Variants in ZDHHC3 observed in about 807,000 individuals in gnomAD.
ZDHHC3 encodes zDHHC palmitoyltransferase 3, also known as palmitoyltransferase ZDHHC3.
In ZDHHC3, 9 loss-of-function variants were observed where a neutral mutation model predicts 30.6. That is an observed-to-expected ratio of 0.29 (90% CI 0.18 to 0.51). The LOEUF (loss-of-function observed/expected upper bound fraction) is 0.51, where lower values mean the gene tolerates loss of function less well. Among genes scored for constraint, ZDHHC3 ranks in the 20% least tolerant of loss-of-function variants. The pLI is 0.97. For synonymous variants in ZDHHC3, 136 were observed against 140.2 expected (o/e 0.97, Z 0.21); for missense variants, 246 against 384.2 (o/e 0.64, Z 3.01).
At position 44,926,423 on chromosome 3, in the gene ZDHHC3, G is replaced by C. The variant is rs886139111; in HGVS notation, c.*266C>G. On this transcript the variant is annotated 3_prime_UTR_variant, in exon 7 of 7. Coordinates refer to ENST00000424952, the MANE Select transcript of ZDHHC3 (RefSeq NM_001135179.2). ...CATTAGTCATGCCAGACAGACAGCA[G>C]AGAGAAACCAGAGGCCAGAGAAGTG... 6 of 1,192,798 alleles carry C rather than the reference G, an allele frequency of 5.0e-6. No individual in the cohort carries two copies. Among genetic ancestry groups the C allele is most frequent in the Non-Finnish European group, 4.2e-6 (4 of 962,704 alleles). 73.9% of individuals were successfully genotyped at this position (1,192,798 alleles called of 1,614,324 possible).
intron 1 of ZDHHC3, among the ~76,000 whole-genome samples, chr3:44,966,251 T>C (rs1035664224): frequency 1.3e-5 from 2 of 152,192 alleles, no homozygotes; most frequent in Non-Finnish European, 2.9e-5. Context: ...AACTCTAAAA[T>C]AGGATGCTTT....
chr3:44,922,430 G>C lies in ZDHHC3; in HGVS notation c.*4259C>G. ...TGAGATGCACAAGGAGTGGTGGGCAGGCTAATAATTTGGATCTGCTTCATA... is the reference window on the plus strand; with the variant it reads ...TGAGATGCACAAGGAGTGGTGGGCACGCTAATAATTTGGATCTGCTTCATA... On this transcript the variant is annotated 3_prime_UTR_variant, in exon 7 of 7. Coordinates refer to ENST00000424952, the MANE Select transcript of ZDHHC3 (RefSeq NM_001135179.2). The C allele has an allele frequency of 2.0e-6, 2 of 985,446 alleles. No individual in the cohort carries two copies. Among genetic ancestry groups the C allele is most frequent in the Non-Finnish European group, 2.4e-6 (2 of 829,936 alleles). 61.0% of individuals were successfully genotyped at this position (985,446 alleles called of 1,614,324 possible). A position where few individuals can be genotyped will look rare whatever the true frequency, so the allele number is the denominator to read the frequency against.
intron 1 of ZDHHC3, among the ~76,000 whole-genome samples, chr3:44,966,655 G>T (rs1704977400): frequency 6.6e-6 from 1 of 152,264 alleles, no homozygotes; most frequent in African/African-American, 2.4e-5. Flanking sequence ...TCAAATAGAT[G>T]ATCTTTGCCT....
At chr3:44,940,049 G>A (rs1702310228) in intron 3 of ZDHHC3, among the ~76,000 whole-genome samples, 1 of 152,196 alleles carries the variant, frequency 6.6e-6, no homozygotes, top group African/African-American at 2.4e-5. Context: ...GGAGCCTGGA[G>A]CAACCAAGGA....
chr3:44,926,577 A>T lies in ZDHHC3; in HGVS notation c.*112T>A, dbSNP rs1701009201. ...GCCATTTTACTTGAGACATAAAAAAAGTTTTAAGAGTAGTTGTTTTGCTTT... is the reference window on the plus strand; with the variant it reads ...GCCATTTTACTTGAGACATAAAAAATGTTTTAAGAGTAGTTGTTTTGCTTT... On this transcript the variant is annotated 3_prime_UTR_variant, in exon 7 of 7. Coordinates refer to ENST00000424952, the MANE Select transcript of ZDHHC3 (RefSeq NM_001135179.2). The T allele has an allele frequency of 7.9e-7, 1 of 1,272,468 alleles. No homozygotes were observed. Among genetic ancestry groups the T allele is most frequent in the South Asian group, 3.5e-5 (1 of 28,982 alleles). 78.8% of individuals were successfully genotyped at this position (1,272,468 alleles called of 1,614,324 possible).
chr3:44,918,005 T>C lies in ZDHHC3; in HGVS notation c.*8684A>G, dbSNP rs1004594745. ...ACCTGCCGCACCATGTCTTTGTCAC[T>C]GGGGATCTCTGGCTGACACGGTCTG... On this transcript the variant is annotated 3_prime_UTR_variant, in exon 7 of 7. Coordinates refer to ENST00000424952, the MANE Select transcript of ZDHHC3 (RefSeq NM_001135179.2). 1.5e-6 allele frequency: 2 copies of C among 1,305,346 alleles called. No individual in the cohort carries two copies. Among genetic ancestry groups the C allele is most frequent in the Admixed American group, 2.3e-5 (1 of 43,558 alleles). The allele number at this position is 1,305,346 out of a possible 1,614,324, so 80.9% of individuals were successfully genotyped here.
Position 44,933,905 on chromosome 3 carries a change from A to C in ZDHHC3, c.511T>G (p.Tyr171Asp). Residue 171 changes from tyrosine (Y) to aspartate (D), a missense_variant, in exon 4 of 7, where the codon TAC becomes GAC. Transcript: ENST00000424952. ...NNCVGENNQKYFVLFTMYIAL... is the reference protein window; with the variant it reads ...NNCVGENNQKDFVLFTMYIAL... ...TGACTTACTGTAAACAGGACGAAGT[A>C]CTTCTGGTTGTTCTCGCCTACACAG... 1 of 1,614,168 alleles carries C rather than the reference A, an allele frequency of 6.2e-7. No individual in the cohort carries two copies.
At position 44,922,736 on chromosome 3, in the gene ZDHHC3, C is replaced by A. The variant is rs983001886; in HGVS notation, c.*3953G>T. 3.0e-6 allele frequency: 3 copies of A among 984,682 alleles called. No homozygotes were observed. Among genetic ancestry groups the A allele is most frequent in the Non-Finnish European group, 3.6e-6 (3 of 829,422 alleles). The allele number at this position is 984,682 out of a possible 1,614,324, so 61.0% of individuals were successfully genotyped here. A position where few individuals can be genotyped will look rare whatever the true frequency, so the allele number is the denominator to read the frequency against. ...AAGACACGGGCTGCTGGGCCCCGCT[C>A]GGTTTCTGGTTCGGTAGCCTGGGGT... is the stretch of plus-strand genomic sequence containing the variant. On this transcript the variant is annotated 3_prime_UTR_variant, in exon 7 of 7. Transcript: ENST00000424952.
rs986028887 is a variant in ZDHHC3, at chr3:44,959,024, C to T, written c.306+107G>A. ...TACTTCCTCACCCTCCCCTGGCCCT[C>T]CTATCCTCCAAGTTCCCAAGGTCCA... is the stretch of plus-strand genomic sequence containing the variant. On this transcript the variant is annotated intron_variant, in intron 2 of 6. Transcript: ENST00000424952. This position sits in a 1 kb window ranked among gnomAD's most constrained non-coding sequence, Gnocchi z 4.3. 40 of 1,386,366 alleles carry T rather than the reference C, an allele frequency of 2.9e-5. No individual in the cohort carries two copies. The highest frequency in any genetic ancestry group is 5.1e-4 in the Middle Eastern group (2 of 3,920). The allele number at this position is 1,386,366 out of a possible 1,614,324, so 85.9% of individuals were successfully genotyped here. A position where few individuals can be genotyped will look rare whatever the true frequency, so the allele number is the denominator to read the frequency against.
Position 44,918,270 on chromosome 3 carries a change from T to C in ZDHHC3, c.*8419A>G. Reference sequence around the variant, plus strand: ...CGGGGTGTCCACGGCATGGGTAAGATGGGGTCTGAGTGGGCAGTCTGTTGT... The same window carrying C: ...CGGGGTGTCCACGGCATGGGTAAGACGGGGTCTGAGTGGGCAGTCTGTTGT... On this transcript the variant is annotated 3_prime_UTR_variant, in exon 7 of 7. Transcript: ENST00000424952. The C allele has an allele frequency of 8.3e-7, 1 of 1,205,850 alleles. No individual in the cohort carries two copies. The highest frequency in any genetic ancestry group is 1.5e-5 in the South Asian group (1 of 67,134). 74.7% of individuals were successfully genotyped at this position (1,205,850 alleles called of 1,614,324 possible). A position where few individuals can be genotyped will look rare whatever the true frequency, so the allele number is the denominator to read the frequency against.
intron 3 of ZDHHC3, among the ~76,000 whole-genome samples, chr3:44,938,727 C>A (rs1160344052): frequency 6.6e-6 from 1 of 152,100 alleles, no homozygotes; most frequent in Non-Finnish European, 1.5e-5. Flanking sequence ...CTCTTGCTGA[C>A]CAGCTGGAAG....
chr3:44,924,739 A>G lies in ZDHHC3; in HGVS notation c.*1950T>C, dbSNP rs1005466410. The G allele has an allele frequency of 6.2e-5, 61 of 985,352 alleles. No individual in the cohort carries two copies. In the African/African-American group the frequency reaches 1.0e-3, roughly 17 times the overall value. The allele number at this position is 985,352 out of a possible 1,614,324, so 61.0% of individuals were successfully genotyped here. A position where few individuals can be genotyped will look rare whatever the true frequency, so the allele number is the denominator to read the frequency against. ...TGCTCTAGTTATTTAATACAATAAC[A>G]CTTCTTTCATACACCTAACTGAGCT... is the stretch of plus-strand genomic sequence containing the variant. On this transcript the variant is annotated 3_prime_UTR_variant, in exon 7 of 7. Coordinates refer to ENST00000424952, the MANE Select transcript of ZDHHC3 (RefSeq NM_001135179.2).
chr3:44,921,769 G>A lies in ZDHHC3; in HGVS notation c.*4920C>T. ...TCAAGGTCATATTTTGGTAGTAGGT[G>A]CGGTAATAAGTAGCCAAGCAGACAT... On this transcript the variant is annotated 3_prime_UTR_variant, in exon 7 of 7. Transcript: ENST00000424952. The A allele has an allele frequency of 1.0e-6, 1 of 975,846 alleles. No individual in the cohort carries two copies. The highest frequency in any genetic ancestry group is 1.2e-6 in the Non-Finnish European group (1 of 821,210). 60.4% of individuals were successfully genotyped at this position (975,846 alleles called of 1,614,324 possible).
Position 44,959,001 on chromosome 3 carries a change from C to T in ZDHHC3, c.306+130G>A, listed in dbSNP as rs912288952. 8.8e-6 allele frequency: 10 copies of T among 1,142,344 alleles called. No individual in the cohort carries two copies. Among genetic ancestry groups the T allele is most frequent in the Admixed American group, 4.8e-5 (2 of 41,432 alleles). The allele number at this position is 1,142,344 out of a possible 1,614,324, so 70.8% of individuals were successfully genotyped here. ...GAACTCTGAACAAGGCAGAGATCTA[C>T]TTCCTCACCCTCCCCTGGCCCTCCT... is the stretch of plus-strand genomic sequence containing the variant. On this transcript the variant is annotated intron_variant, in intron 2 of 6. Transcript: ENST00000424952. The surrounding 1 kb of genome is among the most constrained non-coding windows in gnomAD (Gnocchi z 4.3).
At chr3:44,975,762 T>TCA (rs1369426552) in intron 1 of ZDHHC3, among the ~76,000 whole-genome samples, 171 bp downstream of exon 1, 321 of 145,488 alleles carry the variant, frequency 2.2e-3, no homozygotes, top group Middle Eastern at 3.5e-3. Flanking sequence ...TCTCTCTCTC[T>TCA]CTCTCTCTCT....
rs762211597 is a variant in ZDHHC3, at chr3:44,945,288, G to GC, written c.310dup (p.Ala104GlyfsTer9). 1 of 1,614,028 alleles carries GC rather than the reference G, an allele frequency of 6.2e-7. No individual in the cohort carries two copies. Among genetic ancestry groups the GC allele is most frequent in the Non-Finnish European group, 8.5e-7 (1 of 1,180,022 alleles). ...TTTAGTGGCATTTCCTTTGGGCACTGCCCCCTGTAGGAAAGATGAAAGGTA... is the reference window on the plus strand; with the variant it reads ...TTTAGTGGCATTTCCTTTGGGCACTGCCCCCCTGTAGGAAAGATGAAAGGTA... On this transcript the variant is annotated frameshift_variant, in exon 3 of 7. Coordinates refer to ENST00000424952, the MANE Select transcript of ZDHHC3 (RefSeq NM_001135179.2). LOFTEE classifies it high-confidence loss of function.
At chr3:44,969,761 G>A (rs756848262) in intron 1 of ZDHHC3, 7 of 152,194 alleles carry the variant, frequency 4.6e-5, no homozygotes, top group Admixed American at 4.6e-4. Flanking sequence ...TTAGAATACC[G>A]ATCCTGCCCT....
At chr3:44,934,272 C>G (rs1233562242) in intron 3 of ZDHHC3, among the ~76,000 whole-genome samples, 1 of 152,054 alleles carries the variant, frequency 6.6e-6, no homozygotes, top group East Asian at 1.9e-4. Context: ...AACCTGCTCT[C>G]CTGAAGTAAT....
chr3:44,972,520 T>C (rs1216267728), intron 1 of ZDHHC3, among the ~76,000 whole-genome samples: 6 of 152,170 alleles, frequency 3.9e-5, no homozygotes, highest in Non-Finnish European at 8.8e-5. Context: ...GAAGCTCTTT[T>C]GTAACTGGCT....
Sources: gnomAD v4.1 joint callset for allele counts (sites outside exome capture counted in the v4.1 genomes callset) on GRCh38, gnomAD v4.1.1 for gene constraint, Gnocchi (gnomAD v3.1) non-coding constraint, MANE v1.5 for transcripts, NCBI Gene and HGNC (gene_info 2026-07-23, HGNC 2026-07-21) for gene names.